Variants in ARID1B observed in about 807,000 individuals in gnomAD.
ARID1B encodes AT-rich interaction domain 1B.
In ARID1B, 30 loss-of-function variants were observed where a neutral mutation model predicts 212.3. The ratio of observed to expected loss-of-function variants is 0.14; its 90% CI spans 0.11 to 0.19. The LOEUF (loss-of-function observed/expected upper bound fraction) is 0.19, where lower values mean the gene tolerates loss of function less well. ARID1B is among the 10% of genes least tolerant of loss of function. ARID1B has a pLI of 1.00. For missense variants in ARID1B, 2,891 were observed against 3,204.0 expected (o/e 0.90, Z 2.36); for synonymous variants, 1,402 against 1,301.7 (o/e 1.08, Z -1.66).
chr6:157,124,065 T>G (rs1787968037), intron 6 of ARID1B, among the ~76,000 whole-genome samples: 1 of 152,258 alleles, frequency 6.6e-6, no homozygotes, highest in African/African-American at 2.4e-5. Context: ...TAGACTCGTT[T>G]TTCTTCCTTG....
chr6:157,063,928 A>G lies in ARID1B; in HGVS notation c.2248-20734A>G, dbSNP rs147413617. On this transcript the variant is annotated intron_variant, in intron 4 of 19. Coordinates refer to ENST00000636930, the MANE Select transcript of ARID1B (RefSeq NM_001374828.1). ...ACCCATCTCAGATGAAGACTCATGG[A>G]CCACACTGGTTGGCACCGCAGTGCT... Among the ~76,000 whole-genome samples, 12 of 152,342 alleles carry G rather than the reference A, an allele frequency of 7.9e-5. No individual in the cohort carries two copies. The East Asian group carries it at 2.3e-3, about 29-fold the overall frequency.
rs139287842 is a variant in ARID1B at position 157,081,892 on chromosome 6, A to G, written c.2248-2770A>G. On this transcript the variant is annotated intron_variant, in intron 4 of 19. Coordinates refer to ENST00000636930, the MANE Select transcript of ARID1B (RefSeq NM_001374828.1). ...TTGTCCTTTCTACGTTTAACTTCAT[A>G]TATAGTATGGGATTTTATATCTTGT... Among the ~76,000 whole-genome samples, 45 of 152,302 alleles carry G rather than the reference A, an allele frequency of 3.0e-4. No homozygotes were observed. In the East Asian group the frequency reaches 8.3e-3, roughly 28 times the overall value.
intron 5 of ARID1B, among the ~76,000 whole-genome samples, chr6:157,107,003 C>G (rs2128508410): frequency 6.6e-6 from 1 of 152,288 alleles, no homozygotes; most frequent in Admixed American, 6.5e-5. Flanking sequence ...TGCATAGTCT[C>G]AAATATCTTC....
chr6:157,115,717 G>A (rs1787281970), intron 6 of ARID1B, among the ~76,000 whole-genome samples: 1 of 152,152 alleles, frequency 6.6e-6, no homozygotes. Context: ...GTGAGCCACC[G>A]CACCCAGCGG....
intron 4 of ARID1B, among the ~76,000 whole-genome samples, chr6:156,970,335 G>A (rs546763609): frequency 2.0e-5 from 3 of 152,062 alleles, no homozygotes; most frequent in Non-Finnish European, 4.4e-5. Flanking sequence ...CACCTGCCTC[G>A]GCCTCCCAAA....
intron 5 of ARID1B, among the ~76,000 whole-genome samples, chr6:157,101,779 A>G (rs1786063586): frequency 6.6e-6 from 1 of 152,162 alleles, no homozygotes; most frequent in Non-Finnish European, 1.5e-5. Context: ...GAGTCAGCTA[A>G]CGTAGGAAAA....
rs1475208851 is a variant in ARID1B at position 156,778,005 on chromosome 6, A to C, written c.325A>C (p.Lys109Gln). ...AKSGGSEAAL[K>Q]EGGSAAALSS... is the part of the protein sequence containing the mutation. ...GAGCGGCGGCTCCGAGGCGGCTCTC[A>C]AGGAGGGTGGAAGCGCCGCCGCGCT... is the stretch of plus-strand genomic sequence containing the variant. Residue 109 changes from lysine (K) to glutamine (Q), a missense_variant, in exon 1 of 20, where the codon AAG becomes CAG. Coordinates refer to ENST00000636930, the MANE Select transcript of ARID1B (RefSeq NM_001374828.1). 3.6e-4 allele frequency: 557 copies of C among 1,530,540 alleles called. No homozygotes were observed. The highest frequency in any genetic ancestry group is 4.8e-4 in the Non-Finnish European group (549 of 1,144,614). 94.8% of individuals were successfully genotyped at this position (1,530,540 alleles called of 1,614,324 possible). A position where few individuals can be genotyped will look rare whatever the true frequency, so the allele number is the denominator to read the frequency against.
intron 13 of ARID1B, chr6:157,184,695 C>T (rs1477738558): frequency 1.8e-6 from 1 of 542,614 alleles, no homozygotes; most frequent in Admixed American, 3.1e-5. Context: ...TCAAAACAGG[C>T]TTTCGAATTC....
Position 157,190,352 on chromosome 6 carries a change from CT to C in ARID1B, c.4231+144del. 2 of 1,068,114 alleles carry C rather than the reference CT, an allele frequency of 1.9e-6. No individual in the cohort carries two copies. Among genetic ancestry groups the C allele is most frequent in the East Asian group, 5.3e-5 (2 of 37,622 alleles). The allele number at this position is 1,068,114 out of a possible 1,614,324, so 66.2% of individuals were successfully genotyped here. A position where few individuals can be genotyped will look rare whatever the true frequency, so the allele number is the denominator to read the frequency against. The stretch of plus-strand genomic sequence containing the variant: ...GGTCCCAGGTCCCCATCCTACTCCA[CT>C]TGTGGCCTTGGGAAAAGCAGTTAGC... On this transcript the variant is annotated intron_variant, in intron 15 of 19. Coordinates refer to ENST00000636930, the MANE Select transcript of ARID1B (RefSeq NM_001374828.1). The surrounding 1 kb of genome is among the most constrained non-coding windows in gnomAD (Gnocchi z 4.6).
At position 156,926,447 on chromosome 6, in the gene ARID1B, A is replaced by G. The variant is rs919276415; in HGVS notation, c.2137-9019A>G. Reference sequence around the variant, plus strand: ...GTTCACAGGGGAGGAGGTTGGAGGCATAGTTTTTCAGATGAAAGCCAGAGT... The same window carrying G: ...GTTCACAGGGGAGGAGGTTGGAGGCGTAGTTTTTCAGATGAAAGCCAGAGT... On this transcript the variant is annotated intron_variant, in intron 3 of 19. Transcript: ENST00000636930. Among the ~76,000 whole-genome samples the G allele has an allele frequency of 4.6e-5, 7 of 152,312 alleles. No homozygotes were observed. The East Asian group carries it at 1.3e-3, about 29-fold the overall frequency.
At chr6:156,950,293 T>C (rs1206261308) in intron 4 of ARID1B, among the ~76,000 whole-genome samples, 4 of 152,228 alleles carry the variant, frequency 2.6e-5, no homozygotes, top group Non-Finnish European at 5.9e-5. Flanking sequence ...TTTCAGAGTT[T>C]TGGTACAAAC....
intron 4 of ARID1B, among the ~76,000 whole-genome samples, chr6:157,007,974 C>G (rs1243890527): frequency 6.6e-6 from 1 of 151,000 alleles, no homozygotes; most frequent in African/African-American, 2.4e-5. Context: ...CTGCGCCCAG[C>G]CTAGGAAGCC....
At chr6:156,971,095 TTAAGAG>T (rs1163011112) in intron 4 of ARID1B, among the ~76,000 whole-genome samples, 4 of 152,214 alleles carry the variant, frequency 2.6e-5, no homozygotes, top group African/African-American at 9.7e-5. Context: ...TTCTTTATAA[TTAAGAG>T]TAATTACCAG....
chr6:157,121,101 A>G (rs967328027), intron 6 of ARID1B, among the ~76,000 whole-genome samples: 1 of 152,234 alleles, frequency 6.6e-6, no homozygotes, highest in African/African-American at 2.4e-5. Flanking sequence ...TTGGAGGCTA[A>G]ACAAGATCCA....
At chr6:156,940,642 CTGTT>C (rs984252032) in intron 4 of ARID1B, 40 of 152,312 alleles carry the variant, frequency 2.6e-4, no homozygotes, top group African/African-American at 8.2e-4. Flanking sequence ...GAAGAATACT[CTGTT>C]TGTGTTGGTT....
At chr6:156,876,668 C>T (rs913971) in intron 2 of ARID1B, among the ~76,000 whole-genome samples, 79,286 of 151,990 alleles carry the variant, frequency 0.52, 22,489 homozygotes, top group African/African-American at 0.77. Context: ...GAAGACTGTC[C>T]CAGACACTTT....
intron 3 of ARID1B, among the ~76,000 whole-genome samples, chr6:156,929,036 C>T (rs1255043342): frequency 6.6e-6 from 1 of 152,178 alleles, no homozygotes; most frequent in Non-Finnish European, 1.5e-5. Context: ...AGATATCCAT[C>T]ACTTTCAGTT....
At chr6:157,045,463 C>T (rs899870184) in intron 4 of ARID1B, among the ~76,000 whole-genome samples, 4 of 152,044 alleles carry the variant, frequency 2.6e-5, no homozygotes, top group African/African-American at 9.7e-5. Flanking sequence ...GTCTTCTTAG[C>T]GGGACCTTTT....
At chr6:156,840,492 T>C (rs1270133283) in intron 2 of ARID1B, among the ~76,000 whole-genome samples, 2 of 152,210 alleles carry the variant, frequency 1.3e-5, no homozygotes, top group Non-Finnish European at 2.9e-5. Flanking sequence ...AAACTACTAA[T>C]GAAGAAGTTG....
Sources: allele counts gnomAD v4.1 joint callset (sites outside exome capture counted in the v4.1 genomes callset), GRCh38; gene constraint gnomAD v4.1.1; non-coding constraint Gnocchi (gnomAD v3.1); transcripts MANE v1.5; gene names NCBI Gene and HGNC (gene_info 2026-07-23, HGNC 2026-07-21).